Variants in LOC122539214 observed in about 807,000 individuals in gnomAD.
chr19:52,666,217 C>G, the LOC122539214 span, among the ~76,000 whole-genome samples: 1 of 146,766 alleles, frequency 6.8e-6, no homozygotes, highest in Non-Finnish European at 1.5e-5. Flanking sequence ...GAGAAAGAGA[C>G]AGAGAGACAA....
the LOC122539214 span, among the ~76,000 whole-genome samples, chr19:52,671,348 T>A: frequency 6.6e-6 from 1 of 152,202 alleles, no homozygotes; most frequent in African/African-American, 2.4e-5. Context: ...CAACATAATA[T>A]GCTAACATCA....
chr19:52,664,604 G>A, the LOC122539214 span, among the ~76,000 whole-genome samples: 1 of 152,152 alleles, frequency 6.6e-6, no homozygotes, highest in Non-Finnish European at 1.5e-5. Flanking sequence ...TTCTGGGTCT[G>A]TGCCAATTAG....
chr19:52,672,568 C>T, the LOC122539214 span, among the ~76,000 whole-genome samples: 1 of 152,192 alleles, frequency 6.6e-6, no homozygotes, highest in Non-Finnish European at 1.5e-5. Context: ...GGCAACATAG[C>T]ACCTCATCTT....
the LOC122539214 span, chr19:52,654,205 G>C: frequency 6.3e-7 from 1 of 1,592,122 alleles, no homozygotes; most frequent in African/African-American, 1.3e-5. Context: ...TTTGATTTTT[G>C]TCATGGGTGC....
chr19:52,687,244 C>G, the LOC122539214 span, among the ~76,000 whole-genome samples: 1 of 146,202 alleles, frequency 6.8e-6, no homozygotes, highest in Non-Finnish European at 1.5e-5. Flanking sequence ...AATCCCAGTA[C>G]TTTGGGAGGT....
chr19:52,675,707 AGG>A, the LOC122539214 span, among the ~76,000 whole-genome samples: 1 of 147,690 alleles, frequency 6.8e-6, no homozygotes, highest in African/African-American at 2.7e-5. Flanking sequence ...CAGGAAAGGA[AGG>A]GCAAGGGTGG....
chr19:52,668,557 C>T, the LOC122539214 span, among the ~76,000 whole-genome samples: 2 of 152,192 alleles, frequency 1.3e-5, no homozygotes, highest in Non-Finnish European at 2.9e-5. Context: ...CCACCTCCTA[C>T]AGCTGCCCCT....
the LOC122539214 span, among the ~76,000 whole-genome samples, chr19:52,656,697 C>A: frequency 3.3e-5 from 5 of 151,916 alleles, no homozygotes; most frequent in African/African-American, 1.2e-4. Context: ...GAAACACTGA[C>A]ACTATTAAAA....
chr19:52,664,694 T>C, the LOC122539214 span, among the ~76,000 whole-genome samples: 2 of 146,882 alleles, frequency 1.4e-5, no homozygotes, highest in Admixed American at 6.8e-5. Context: ...GGGATGCAGA[T>C]TAAGTGGGTG....
the LOC122539214 span, among the ~76,000 whole-genome samples, chr19:52,658,092 T>C: frequency 6.8e-6 from 1 of 146,440 alleles, no homozygotes; most frequent in South Asian, 2.1e-4. Flanking sequence ...GCCAAGTTCA[T>C]GCCATTGCAC....
the LOC122539214 span, chr19:52,653,203 A>G: frequency 6.5e-7 from 1 of 1,530,008 alleles, no homozygotes; most frequent in Non-Finnish European, 9.0e-7. Context: ...CTTCTGACTG[A>G]AGGTCTTGCC....
chr19:52,684,237 G>C, the LOC122539214 span, among the ~76,000 whole-genome samples: 1 of 151,980 alleles, frequency 6.6e-6, no homozygotes, highest in Non-Finnish European at 1.5e-5. Flanking sequence ...GGCTTGGTGG[G>C]CATCTGTAAT....
chr19:52,673,974 C>T, the LOC122539214 span, among the ~76,000 whole-genome samples: 2 of 146,952 alleles, frequency 1.4e-5, no homozygotes, highest in South Asian at 4.3e-4. Context: ...CGAGATCATG[C>T]CACTGCCCTG....
chr19:52,657,702 C>G, the LOC122539214 span, among the ~76,000 whole-genome samples: 1 of 151,786 alleles, frequency 6.6e-6, no homozygotes, highest in Admixed American at 6.6e-5. Flanking sequence ...ACAAAATTAG[C>G]CAGATGTGGT....
At chr19:52,657,062 T>G in the LOC122539214 span, among the ~76,000 whole-genome samples, 2 of 151,384 alleles carry the variant, frequency 1.3e-5, no homozygotes, top group African/African-American at 4.9e-5. Flanking sequence ...TTTGAAGTGA[T>G]CCAAGATTGC....
the LOC122539214 span, among the ~76,000 whole-genome samples, chr19:52,664,810 G>T: frequency 6.6e-6 from 1 of 151,990 alleles, no homozygotes. Context: ...GGAATGAAGG[G>T]GTCAGGGCCT....
the LOC122539214 span, among the ~76,000 whole-genome samples, chr19:52,681,248 A>G: frequency 1.5e-5 from 2 of 134,002 alleles, no homozygotes; most frequent in South Asian, 2.5e-4. Context: ...ACACCACTGC[A>G]CTCCAGCCTG....
chr19:52,652,432 C>G, the LOC122539214 span: 1 of 385,720 alleles, frequency 2.6e-6, no homozygotes, highest in Non-Finnish European at 5.1e-6. Context: ...AAGACTTCAT[C>G]TGAAAAAAGA....
At chr19:52,652,016 C>A in the LOC122539214 span, 1 of 199,722 alleles carries the variant, frequency 5.0e-6, no homozygotes, top group South Asian at 9.7e-5. Flanking sequence ...ACAATTATCT[C>A]AAAAATGAAT....
Sources: gnomAD v4.1 joint callset for allele counts (sites outside exome capture counted in the v4.1 genomes callset) on GRCh38, gnomAD v4.1.1 for gene constraint, MANE v1.5 for transcripts.